RGS7: variants seen among roughly 807,000 people sequenced by gnomAD.
RGS7 encodes the protein regulator of G-protein signaling 7.
A neutral mutation model predicts 81.1 loss-of-function variants in RGS7; 27 were observed. The observed-to-expected ratio is 0.33, with a 90% confidence interval of 0.25 to 0.46. RGS7 has a LOEUF of 0.46. Ranked by LOEUF, RGS7 falls within the 20% of genes least tolerant of loss-of-function variation. RGS7 has a pLI of 1.00. For missense variants in RGS7, 396 were observed against 607.4 expected, an observed-to-expected ratio of 0.65 and a Z score of 3.66; for synonymous variants, 208 against 207.7, an observed-to-expected ratio of 1.00 and a Z score of -0.01.
intron 3 of RGS7, among the ~76,000 whole-genome samples, chr1:241,060,918 T>C (rs1343833894): frequency 6.6e-6 from 1 of 152,162 alleles, no homozygotes; most frequent in Non-Finnish European, 1.5e-5. Flanking sequence ...AGGGGAAGAA[T>C]CCCCAAAACT....
chr1:240,974,330 T>C (rs1683738984), intron 4 of RGS7, among the ~76,000 whole-genome samples: 2 of 152,226 alleles, frequency 1.3e-5, no homozygotes, highest in Non-Finnish European at 2.9e-5. Flanking sequence ...TTGTTTACAC[T>C]GGGTTTTGTT....
At chr1:241,078,885 T>C (rs554622778) in intron 3 of RGS7, among the ~76,000 whole-genome samples, 1 of 152,100 alleles carries the variant, frequency 6.6e-6, no homozygotes. Context: ...ACGGGAGAAA[T>C]GGCACGAAAA....
chr1:240,939,349 T>C (rs1480269178), intron 4 of RGS7, among the ~76,000 whole-genome samples: 1 of 152,226 alleles, frequency 6.6e-6, no homozygotes, highest in Non-Finnish European at 1.5e-5. Flanking sequence ...TATTACTCTG[T>C]ACCCTATAAA....
chr1:241,055,023 A>T (rs1446707397), intron 3 of RGS7, among the ~76,000 whole-genome samples: 1 of 152,252 alleles, frequency 6.6e-6, no homozygotes, highest in South Asian at 2.1e-4. Flanking sequence ...TCATGACAAC[A>T]TTAAAAAAAT....
intron 2 of RGS7, among the ~76,000 whole-genome samples, chr1:241,259,686 A>ATATATAT (rs1553302307): frequency 7.7e-6 from 1 of 129,116 alleles, no homozygotes; most frequent in Non-Finnish European, 1.6e-5. Flanking sequence ...ATATATATAT[A>ATATATAT]ATTAAAATAC....
At chr1:240,998,190 C>A (rs570884228) in intron 3 of RGS7, among the ~76,000 whole-genome samples, 1 of 152,228 alleles carries the variant, frequency 6.6e-6, no homozygotes, top group Admixed American at 6.5e-5. Context: ...AATCATTTTT[C>A]TCTTCTAGTT....
At chr1:241,202,075 C>G (rs572292107) in intron 2 of RGS7, among the ~76,000 whole-genome samples, 19 of 151,030 alleles carry the variant, frequency 1.3e-4, no homozygotes, top group Admixed American at 5.3e-4. Context: ...GTTACTTCCA[C>G]AACAGTTTGA....
chr1:240,810,386 C>G (rs1689628179), intron 14 of RGS7, among the ~76,000 whole-genome samples: 1 of 151,816 alleles, frequency 6.6e-6, no homozygotes, highest in Non-Finnish European at 1.5e-5. Flanking sequence ...GAATGTCCAT[C>G]TCCCTAGCCA....
chr1:240,823,106 CA>C, intron 10 of RGS7: 1 of 1,042,136 alleles, frequency 9.6e-7, no homozygotes. Context: ...TCTAAAGAAT[CA>C]AAGTTCTTTT....
chr1:241,069,803 T>C (rs1457720364), intron 3 of RGS7, among the ~76,000 whole-genome samples: 5 of 152,158 alleles, frequency 3.3e-5, no homozygotes, highest in Non-Finnish European at 7.4e-5. Context: ...GAAAATTCAA[T>C]TGAAACAAAA....
chr1:241,120,992 G>C (rs1281349006), intron 2 of RGS7, among the ~76,000 whole-genome samples: 1 of 152,158 alleles, frequency 6.6e-6, no homozygotes, highest in Admixed American at 6.5e-5. Context: ...GACCCCAGAA[G>C]AAAGCTTTGC....
intron 2 of RGS7, among the ~76,000 whole-genome samples, chr1:241,176,278 T>C (rs2071134678): frequency 6.6e-6 from 1 of 152,174 alleles, no homozygotes; most frequent in East Asian, 1.9e-4. Context: ...ATAGAAAGCC[T>C]TGAAAATGTT....
At chr1:241,300,793 A>C (rs1247635917) in intron 2 of RGS7, among the ~76,000 whole-genome samples, 1 of 152,212 alleles carries the variant, frequency 6.6e-6, no homozygotes, top group Non-Finnish European at 1.5e-5. Context: ...TAATGTCTTG[A>C]CTGTACAGTA....
intron 2 of RGS7, among the ~76,000 whole-genome samples, chr1:241,311,620 T>C (rs2080535915): frequency 6.6e-6 from 1 of 152,168 alleles, no homozygotes; most frequent in South Asian, 2.1e-4. Flanking sequence ...GTTTGAGAAA[T>C]GGGCGTTTTA....
At chr1:241,051,381 T>G (rs1421894091) in intron 3 of RGS7, among the ~76,000 whole-genome samples, 1 of 152,174 alleles carries the variant, frequency 6.6e-6, no homozygotes, top group African/African-American at 2.4e-5. Flanking sequence ...TTTAGATGCT[T>G]TATCAGGTAG....
chr1:241,266,322 G>T (rs1040093462), intron 2 of RGS7, among the ~76,000 whole-genome samples: 19 of 152,320 alleles, frequency 1.2e-4, no homozygotes, highest in Non-Finnish European at 2.5e-4. Flanking sequence ...CAGCTTCTAT[G>T]TGTAGCTCTG....
chr1:241,237,698 C>A (rs1448462464), intron 2 of RGS7, among the ~76,000 whole-genome samples: 1 of 152,090 alleles, frequency 6.6e-6, no homozygotes, highest in Non-Finnish European at 1.5e-5. Flanking sequence ...GGGGCGTGGC[C>A]AGGGAAGCAG....
chr1:241,129,722 G>C (rs1373100432), intron 2 of RGS7, among the ~76,000 whole-genome samples: 2 of 152,104 alleles, frequency 1.3e-5, no homozygotes, highest in Non-Finnish European at 2.9e-5. Context: ...TCTGGGTGGA[G>C]CCCAGAAATC....
chr1:240,933,228 G>A (rs1029630756), intron 5 of RGS7, among the ~76,000 whole-genome samples: 3 of 151,500 alleles, frequency 2.0e-5, no homozygotes, highest in African/African-American at 4.9e-5. Flanking sequence ...TGTTCCCTCT[G>A]GGTAGTTTCT....
Sources: gnomAD v4.1 joint callset for allele counts (sites outside exome capture counted in the v4.1 genomes callset) on GRCh38, gnomAD v4.1.1 for gene constraint, MANE v1.5 for transcripts, NCBI Gene and HGNC (gene_info 2026-07-23, HGNC 2026-07-21) for gene names.